Variants in GABRG3 observed in about 807,000 individuals in gnomAD.
GABRG3 encodes the protein gamma-aminobutyric acid type A receptor subunit gamma3, also known as gamma-aminobutyric acid receptor subunit gamma-3.
In GABRG3, 25 loss-of-function variants were observed where a neutral mutation model predicts 48.8. The observed-to-expected ratio is 0.51, with a 90% CI of 0.37 to 0.72. The LOEUF (loss-of-function observed/expected upper bound fraction) is 0.72. Ranked by LOEUF, GABRG3 falls within the 30% of genes least tolerant of loss-of-function variation. The probability of loss-of-function intolerance (pLI) is 0.00; values close to 1 mark genes in which losing one functional copy is unlikely to be tolerated. For missense variants in GABRG3, 394 were observed against 577.9 expected (o/e 0.68, Z 3.26); for synonymous variants, 227 against 217.6 (o/e 1.04, Z -0.38).
chr15:27,356,686 G>A (rs1007012001), intron 5 of GABRG3, among the ~76,000 whole-genome samples: 1 of 152,190 alleles, frequency 6.6e-6, no homozygotes, highest in African/African-American at 2.4e-5. Context: ...TTAGTAAAGA[G>A]TTTAACCAAC....
chr15:27,433,215 C>A (rs561878971), intron 5 of GABRG3, among the ~76,000 whole-genome samples: 3 of 152,246 alleles, frequency 2.0e-5, no homozygotes, highest in Non-Finnish European at 2.9e-5. Flanking sequence ...AACCCCACTC[C>A]AGGTACCAAA....
At chr15:27,515,246 C>T (rs1306825263) in intron 6 of GABRG3, among the ~76,000 whole-genome samples, 2 of 151,988 alleles carry the variant, frequency 1.3e-5, no homozygotes, top group African/African-American at 2.4e-5. Flanking sequence ...GCATCCACCA[C>T]CACACCCAAC....
At chr15:27,107,195 T>A (rs1015155479) in intron 3 of GABRG3, among the ~76,000 whole-genome samples, 2 of 152,018 alleles carry the variant, frequency 1.3e-5, no homozygotes, top group African/African-American at 4.8e-5. Context: ...GGTGTAGGAT[T>A]TTTATATATT....
At chr15:27,305,490 T>TTA (rs1169416831) in intron 3 of GABRG3, among the ~76,000 whole-genome samples, 1 of 147,260 alleles carries the variant, frequency 6.8e-6, no homozygotes, top group Non-Finnish European at 1.5e-5. Context: ...TGTGTGTTTT[T>TTA]TATATATATA....
intron 5 of GABRG3, among the ~76,000 whole-genome samples, chr15:27,407,654 T>A (rs1055566033): frequency 3.3e-5 from 5 of 152,114 alleles, no homozygotes; most frequent in African/African-American, 1.2e-4. Flanking sequence ...CAACAAGCCA[T>A]AGAAAAACAT....
At chr15:27,508,844 G>A (rs1486876030) in intron 6 of GABRG3, among the ~76,000 whole-genome samples, 1 of 152,018 alleles carries the variant, frequency 6.6e-6, no homozygotes, top group Non-Finnish European at 1.5e-5. Context: ...CTCCCGAGTA[G>A]CTGGGACCAC....
At chr15:27,454,895 A>T (rs1233545426) in intron 5 of GABRG3, among the ~76,000 whole-genome samples, 1 of 152,162 alleles carries the variant, frequency 6.6e-6, no homozygotes, top group Non-Finnish European at 1.5e-5. Flanking sequence ...GTTCTGTACC[A>T]AATCTTGTAT....
chr15:27,309,132 CAT>C (rs1241100286), intron 3 of GABRG3, among the ~76,000 whole-genome samples: 10 of 134,740 alleles, frequency 7.4e-5, no homozygotes, highest in South Asian at 4.5e-4. Flanking sequence ...ATAATGTAAA[CAT>C]AGATGTTTAT....
chr15:27,416,697 C>G (rs149604645), intron 5 of GABRG3, among the ~76,000 whole-genome samples: 77 of 152,264 alleles, frequency 5.1e-4, no homozygotes, highest in African/African-American at 1.8e-3. Flanking sequence ...TTTCCCTGCC[C>G]TGGCACTGGT....
At chr15:27,361,803 C>T (rs757136544) in intron 5 of GABRG3, among the ~76,000 whole-genome samples, 7 of 152,208 alleles carry the variant, frequency 4.6e-5, no homozygotes, top group Non-Finnish European at 8.8e-5. Context: ...TAACAGAACA[C>T]GACGTGTCAA....
At chr15:27,269,401 G>A (rs2140472487) in intron 3 of GABRG3, among the ~76,000 whole-genome samples, 1 of 152,258 alleles carries the variant, frequency 6.6e-6, no homozygotes, top group South Asian at 2.1e-4. Flanking sequence ...TGCTTTCTGT[G>A]TGTGCTGTTC....
intron 3 of GABRG3, among the ~76,000 whole-genome samples, chr15:27,165,580 C>A (rs1285149635): frequency 6.6e-6 from 1 of 152,016 alleles, no homozygotes; most frequent in African/African-American, 2.4e-5. Flanking sequence ...CCTCTTCAAT[C>A]TCCCAAGTGC....
At chr15:27,148,753 A>G (rs1230715818) in intron 3 of GABRG3, among the ~76,000 whole-genome samples, 1 of 151,992 alleles carries the variant, frequency 6.6e-6, no homozygotes, top group Non-Finnish European at 1.5e-5. Flanking sequence ...AAAATAACAG[A>G]ATCATCTCTA....
chr15:27,301,579 A>G (rs1489569373), intron 3 of GABRG3, among the ~76,000 whole-genome samples: 1 of 152,102 alleles, frequency 6.6e-6, no homozygotes, highest in Non-Finnish European at 1.5e-5. Context: ...TCATTATATC[A>G]TTATGCTTTA....
chr15:27,201,409 A>C (rs1888222883), intron 3 of GABRG3, among the ~76,000 whole-genome samples: 1 of 150,820 alleles, frequency 6.6e-6, no homozygotes, highest in Admixed American at 6.6e-5. Flanking sequence ...AGAGAGAGAG[A>C]AGAGAAAGAG....
chr15:27,427,744 G>A (rs1888333838), intron 5 of GABRG3, among the ~76,000 whole-genome samples: 2 of 152,114 alleles, frequency 1.3e-5, no homozygotes, highest in Admixed American at 6.5e-5. Context: ...GGATTAAGTA[G>A]TTCATTTTTT....
At chr15:26,988,222 A>G (rs1895185205) in intron 2 of GABRG3, among the ~76,000 whole-genome samples, 1 of 152,140 alleles carries the variant, frequency 6.6e-6, no homozygotes, top group African/African-American at 2.4e-5. Flanking sequence ...TATTTCTATT[A>G]ATCAAGAGTG....
intron 6 of GABRG3, among the ~76,000 whole-genome samples, chr15:27,519,671 G>A (rs552693310): frequency 1.8e-4 from 27 of 152,260 alleles, no homozygotes; most frequent in African/African-American, 5.5e-4. Context: ...GGACTCAAGT[G>A]ATAATAGCTC....
At chr15:27,432,778 A>G (rs901581515) in intron 5 of GABRG3, among the ~76,000 whole-genome samples, 2 of 152,174 alleles carry the variant, frequency 1.3e-5, no homozygotes, top group African/African-American at 4.8e-5. Context: ...TGCTATTGGC[A>G]TCAAGAAGAA....
Sources: allele counts gnomAD v4.1 joint callset (sites outside exome capture counted in the v4.1 genomes callset), GRCh38; gene constraint gnomAD v4.1.1; transcripts MANE v1.5; gene names NCBI Gene and HGNC (gene_info 2026-07-23, HGNC 2026-07-21).